YBEY: variants seen among roughly 807,000 people sequenced by gnomAD.
The protein encoded by YBEY is endoribonuclease YbeY.
A neutral mutation model predicts 13.5 loss-of-function variants in YBEY; 15 were observed. The ratio of observed to expected loss-of-function variants is 1.11; its 90% CI spans 0.75 to 1.72. The LOEUF (loss-of-function observed/expected upper bound fraction) is 1.72. Among genes scored for constraint, YBEY ranks in the 40% most tolerant of loss-of-function variants. The probability of loss-of-function intolerance (pLI) is 0.00; values close to 1 mark genes in which losing one functional copy is unlikely to be tolerated. For missense variants in YBEY, 244 were observed against 208.4 expected, an observed-to-expected ratio of 1.17 and a Z score of -1.05; for synonymous variants, 101 against 83.1, an observed-to-expected ratio of 1.21 and a Z score of -1.17.
At chr21:46,289,821 A>G (rs193019305) in intron 2 of YBEY, among the ~76,000 whole-genome samples, 151 of 152,340 alleles carry the variant, frequency 9.9e-4, no homozygotes, top group African/African-American at 3.6e-3. Context: ...GCAAAGATCA[A>G]TAACAAGATT....
At chr21:46,301,622 T>G, downstream of YBEY, 1 of 1,038,296 alleles carries the variant, frequency 9.6e-7, no homozygotes, top group Non-Finnish European at 1.2e-6. Context: ...GATGAAATCT[T>G]TATTTCATCA....
At chr21:46,311,730 TCCAA>T in the YBEY span, 7 of 420,290 alleles carry the variant, frequency 1.7e-5, no homozygotes, top group Admixed American at 1.2e-4. Context: ...CACCCATCCA[TCCAA>T]CCAACCATCC....
intron 1 of YBEY, 157 bp from the exon 2 acceptor site, chr21:46,286,713 C>G (rs1257327370): frequency 5.5e-6 from 3 of 550,110 alleles, no homozygotes; most frequent in Non-Finnish European, 6.3e-6. Flanking sequence ...CTTCCATAGA[C>G]CCTCGTTGTT....
At chr21:46,288,892 T>G (rs2081580604) in intron 2 of YBEY, among the ~76,000 whole-genome samples, 1 of 151,912 alleles carries the variant, frequency 6.6e-6, no homozygotes, top group African/African-American at 2.4e-5. Flanking sequence ...CATGGTGGTG[T>G]GCAGAGCTGT....
chr21:46,303,119 G>A, the YBEY span, among the ~76,000 whole-genome samples: 3 of 151,804 alleles, frequency 2.0e-5, no homozygotes, highest in Non-Finnish European at 2.9e-5. Context: ...AGCCAAGATC[G>A]TGCCACTGTA....
At chr21:46,286,748 A>G in intron 1 of YBEY, 122 bp from the exon 2 acceptor site, 1 of 645,172 alleles carries the variant, frequency 1.5e-6, no homozygotes, top group Non-Finnish European at 2.6e-6. Flanking sequence ...GTAAATGTAA[A>G]TTCCCTTAAG....
intron 4 of YBEY, among the ~76,000 whole-genome samples, chr21:46,297,269 CCTTCCCA>C (rs1222814197): frequency 7.0e-6 from 1 of 143,012 alleles, no homozygotes; most frequent in Non-Finnish European, 1.6e-5. Flanking sequence ...CTCCCCCTTC[CCTTCCCA>C]CCTCCCATGC....
chr21:46,290,055 C>A (rs1045168901), intron 2 of YBEY, among the ~76,000 whole-genome samples: 9 of 151,678 alleles, frequency 5.9e-5, no homozygotes, highest in Non-Finnish European at 8.8e-5. Flanking sequence ...TTGTCATAGC[C>A]TTTGTTGCAG....
At chr21:46,302,228 C>T, downstream of YBEY, 1 of 1,432,392 alleles carries the variant, frequency 7.0e-7, no homozygotes, top group Non-Finnish European at 9.1e-7. Context: ...CTGTTCCTAA[C>T]TGGGGCTGGA....
intron 4 of YBEY, among the ~76,000 whole-genome samples, chr21:46,296,635 C>A (rs1309890923): frequency 6.6e-6 from 1 of 152,202 alleles, no homozygotes; most frequent in South Asian, 2.1e-4. Flanking sequence ...GGTTAACACG[C>A]ACGCAAGCCC....
At chr21:46,291,537 C>T in intron 3 of YBEY, 75 bp downstream of exon 3, 1 of 1,590,984 alleles carries the variant, frequency 6.3e-7, no homozygotes, top group South Asian at 1.1e-5. Context: ...GATCACAACC[C>T]TGCATCCATG....
chr21:46,297,842 C>G, downstream of YBEY: 1 of 1,145,198 alleles, frequency 8.7e-7, no homozygotes, highest in Non-Finnish European at 1.1e-6. Context: ...ACGCGTGGCC[C>G]CCGCCCGGGA....
chr21:46,286,811 T>C (rs1260577939), intron 1 of YBEY, 59 bp from the exon 2 acceptor site: 1 of 1,045,778 alleles, frequency 9.6e-7, no homozygotes, highest in African/African-American at 1.6e-5. Flanking sequence ...TGCATCTGTA[T>C]TTTTACAGAC....
intron 3 of YBEY, chr21:46,292,284 C>G (rs1473139575): frequency 6.6e-6 from 1 of 152,226 alleles, no homozygotes; most frequent in South Asian, 2.1e-4. Context: ...GAGTCCTGAG[C>G]AGTAGGGAAT....
the YBEY span, among the ~76,000 whole-genome samples, chr21:46,308,826 T>C: frequency 6.6e-6 from 1 of 152,170 alleles, no homozygotes; most frequent in Admixed American, 6.6e-5. Context: ...TGTGTTATCA[T>C]GGGAGGAGAA....
downstream of YBEY, chr21:46,301,974 C>T (rs540148246): frequency 2.3e-4 from 342 of 1,493,460 alleles, no homozygotes; most frequent in African/African-American, 7.3e-4. Flanking sequence ...GAGGGTGCCC[C>T]GGCCAGGGTC....
At chr21:46,301,216 A>T, downstream of YBEY, 1 of 408,704 alleles carries the variant, frequency 2.4e-6, no homozygotes, top group Non-Finnish European at 3.3e-6. Flanking sequence ...ATCAGAGCTC[A>T]CTGCAGCTTC....
intron 2 of YBEY, among the ~76,000 whole-genome samples, chr21:46,287,425 A>C (rs1601566341): frequency 6.6e-6 from 1 of 151,304 alleles, no homozygotes; most frequent in African/African-American, 2.4e-5. Flanking sequence ...CTGCTCCTGA[A>C]CTGATCTCAG....
At chr21:46,295,803 G>T (rs916795002) in intron 3 of YBEY, among the ~76,000 whole-genome samples, 4 of 151,918 alleles carry the variant, frequency 2.6e-5, no homozygotes, top group Admixed American at 6.6e-5. Flanking sequence ...ACCCCTGGCC[G>T]GTGCCCCACT....
Sources: gnomAD v4.1 joint callset for allele counts (sites outside exome capture counted in the v4.1 genomes callset) on GRCh38, gnomAD v4.1.1 for gene constraint, MANE v1.5 for transcripts, NCBI Gene and HGNC (gene_info 2026-07-23, HGNC 2026-07-21) for gene names.